The following MGAT4C variants were observed in gnomAD, a reference collection of about 807,000 sequenced individuals.
MGAT4C encodes MGAT4 family member C, also known as alpha-1,3-mannosyl-glycoprotein 4-beta-N-acetylglucosaminyltransferase C.
In MGAT4C, 19 loss-of-function variants were observed where a neutral mutation model predicts 40.1. The ratio of observed to expected loss-of-function variants is 0.47; its 90% CI spans 0.33 to 0.70. The LOEUF is 0.70. Ranked by LOEUF, MGAT4C falls within the 30% of genes least tolerant of loss-of-function variation. The pLI, the probability that MGAT4C is intolerant of heterozygous loss-of-function variation, is 0.02. For synonymous variants in MGAT4C, 181 were observed against 187.1 expected (o/e 0.97, Z 0.27); for missense variants, 491 against 563.2 (o/e 0.87, Z 1.30).
intron 2 of MGAT4C, among the ~76,000 whole-genome samples, chr12:86,509,558 C>G (rs932873784): frequency 1.3e-5 from 2 of 151,912 alleles, no homozygotes; most frequent in Non-Finnish European, 2.9e-5. Flanking sequence ...TTTTTTGGTT[C>G]CATATGAACT....
chr12:86,767,718 A>C (rs1302679949), intron 1 of MGAT4C, among the ~76,000 whole-genome samples: 1 of 152,200 alleles, frequency 6.6e-6, no homozygotes, highest in African/African-American at 2.4e-5. Context: ...CAATATATGA[A>C]AATCAATAAA....
rs1164480589 is a variant in MGAT4C, at chr12:85,961,613, C to A, written c.*17676G>T. ...TTGTATATGCTTGTCACTATATAAA[C>A]TTCACCCTAAGGAAATTTCCATGTC... On this transcript the variant is annotated 3_prime_UTR_variant, in exon 5 of 5. Transcript: ENST00000611864. 6.6e-6 allele frequency: 1 copy of A among 151,738 alleles called. No individual in the cohort carries two copies. Among genetic ancestry groups the A allele is most frequent in the Non-Finnish European group, 1.5e-5 (1 of 67,778 alleles). 9.4% of individuals were successfully genotyped at this position (151,738 alleles called of 1,614,324 possible).
At chr12:86,496,492 T>C (rs1958238014) in intron 2 of MGAT4C, among the ~76,000 whole-genome samples, 1 of 151,912 alleles carries the variant, frequency 6.6e-6, no homozygotes, top group Non-Finnish European at 1.5e-5. Context: ...TTATACAGAG[T>C]CATGAATGTC....
chr12:86,283,392 C>A (rs1191753615), intron 4 of MGAT4C, among the ~76,000 whole-genome samples: 1 of 151,810 alleles, frequency 6.6e-6, no homozygotes. Context: ...TATGTTATAT[C>A]AAGTTATATT....
At chr12:86,178,431 A>G (rs1887737719) in intron 1 of MGAT4C, among the ~76,000 whole-genome samples, 1 of 152,196 alleles carries the variant, frequency 6.6e-6, no homozygotes, top group Non-Finnish European at 1.5e-5. Context: ...TATGCTGAGA[A>G]TTTAATTGTA....
intron 1 of MGAT4C, among the ~76,000 whole-genome samples, chr12:86,194,137 T>C (rs1388478708): frequency 6.6e-6 from 1 of 152,188 alleles, no homozygotes; most frequent in Non-Finnish European, 1.5e-5. Context: ...TACTCTATGT[T>C]CTTAATGTTA....
chr12:86,442,321 T>G (rs1270532015), intron 2 of MGAT4C, among the ~76,000 whole-genome samples: 1 of 152,196 alleles, frequency 6.6e-6, no homozygotes, highest in Non-Finnish European at 1.5e-5. Context: ...GCTAGTTTCT[T>G]TTGCTGTGCA....
intron 3 of MGAT4C, among the ~76,000 whole-genome samples, chr12:86,381,008 A>T (rs1955917865): frequency 6.6e-6 from 1 of 152,234 alleles, no homozygotes; most frequent in African/African-American, 2.4e-5. Context: ...AATAGCATAC[A>T]TGTTTTTGCA....
chr12:86,804,064 C>T (rs1952291727), intron 1 of MGAT4C, among the ~76,000 whole-genome samples: 1 of 146,588 alleles, frequency 6.8e-6, no homozygotes, highest in African/African-American at 2.5e-5. Flanking sequence ...GGCACATATA[C>T]ACCATGGAAT....
chr12:86,040,943 G>C (rs865889755), intron 2 of MGAT4C, among the ~76,000 whole-genome samples: 2 of 152,172 alleles, frequency 1.3e-5, no homozygotes, highest in East Asian at 1.9e-4. Context: ...GGAGTTCCCC[G>C]AGCCCTTGTG....
At chr12:86,071,388 A>G (rs1868432013) in intron 1 of MGAT4C, among the ~76,000 whole-genome samples, 1 of 152,104 alleles carries the variant, frequency 6.6e-6, no homozygotes, top group Admixed American at 6.6e-5. Flanking sequence ...AGAATAATAC[A>G]ATAATATAAA....
chr12:86,062,799 T>G (rs1240348482), intron 1 of MGAT4C, among the ~76,000 whole-genome samples: 6 of 151,328 alleles, frequency 4.0e-5, no homozygotes, highest in Non-Finnish European at 8.8e-5. Flanking sequence ...CTCAATAAAA[T>G]AAAGTGAGAA....
At position 86,049,715 on chromosome 12, in the gene MGAT4C, G is replaced by A. The variant is rs1270974603; in HGVS notation, c.-48C>T. 8.1e-6 allele frequency: 8 copies of A among 981,738 alleles called. No homozygotes were observed. Among genetic ancestry groups the A allele is most frequent in the Non-Finnish European group, 9.7e-6 (8 of 826,488 alleles). The allele number at this position is 981,738 out of a possible 1,614,324, so 60.8% of individuals were successfully genotyped here. A position where few individuals can be genotyped will look rare whatever the true frequency, so the allele number is the denominator to read the frequency against. Reference sequence around the variant, plus strand: ...TCATAATCTGTGCTGTACAGAAACCGTTGATACCCTGGAAAAAAGAAAGTC... The same window carrying A: ...TCATAATCTGTGCTGTACAGAAACCATTGATACCCTGGAAAAAAGAAAGTC... On this transcript the variant is annotated 5_prime_UTR_variant, in exon 2 of 5. In the 5' UTR this introduces an upstream ATG that the reference lacks. Coordinates refer to ENST00000611864, the MANE Select transcript of MGAT4C (RefSeq NM_001351288.2).
chr12:86,362,283 A>G (rs1180738339), intron 3 of MGAT4C, among the ~76,000 whole-genome samples: 1 of 152,202 alleles, frequency 6.6e-6, no homozygotes, highest in African/African-American at 2.4e-5. Flanking sequence ...TGTGAATTGA[A>G]CAATGAGAAC....
chr12:86,113,478 T>G (rs1454539830), intron 1 of MGAT4C, among the ~76,000 whole-genome samples: 1 of 151,566 alleles, frequency 6.6e-6, no homozygotes, highest in Non-Finnish European at 1.5e-5. Flanking sequence ...TGGAAACTCT[T>G]TAGGTAAGAT....
At chr12:86,416,885 G>C (rs534777440) in intron 3 of MGAT4C, among the ~76,000 whole-genome samples, 3 of 152,148 alleles carry the variant, frequency 2.0e-5, no homozygotes, top group South Asian at 2.1e-4. Flanking sequence ...TCATTGGACT[G>C]GGCCTTAAAT....
intron 4 of MGAT4C, among the ~76,000 whole-genome samples, chr12:86,262,146 T>C (rs1952671117): frequency 6.6e-6 from 1 of 152,110 alleles, no homozygotes; most frequent in East Asian, 1.9e-4. Flanking sequence ...TGTGTTTCTC[T>C]CTTCTCCATC....
At chr12:86,400,298 C>T (rs1956332861) in intron 3 of MGAT4C, among the ~76,000 whole-genome samples, 2 of 152,146 alleles carry the variant, frequency 1.3e-5, no homozygotes, top group Admixed American at 6.6e-5. Flanking sequence ...TTCCAGTTGT[C>T]CCCAATAATT....
At chr12:85,987,768 T>G (rs1210037886) in intron 3 of MGAT4C, among the ~76,000 whole-genome samples, 1 of 152,216 alleles carries the variant, frequency 6.6e-6, no homozygotes, top group Non-Finnish European at 1.5e-5. Flanking sequence ...TCCTTTGGGT[T>G]TGTTGAAAGT....
Sources: allele counts gnomAD v4.1 joint callset (sites outside exome capture counted in the v4.1 genomes callset), GRCh38; gene constraint gnomAD v4.1.1; transcripts MANE v1.5; gene names NCBI Gene and HGNC (gene_info 2026-07-23, HGNC 2026-07-21).